The following CTU2 variants were observed in gnomAD, a reference collection of about 807,000 sequenced individuals.
The protein encoded by CTU2 is cytosolic thiouridylase subunit 2.
In CTU2, 80 loss-of-function variants were observed where a neutral mutation model predicts 64.1. The observed-to-expected ratio is 1.25, with a 90% CI of 1.04 to 1.50. CTU2 has a LOEUF of 1.50. CTU2 is among the 40% of genes most tolerant of loss of function. CTU2 has a pLI of 0.00. For missense variants in CTU2, 1,110 were observed against 690.2 expected (o/e 1.61, Z -6.81); for synonymous variants, 482 against 285.3 (o/e 1.69, Z -6.95).
intron 7 of CTU2, 56 bp downstream of exon 7, chr16:88,712,961 G>A: frequency 1.4e-6 from 1 of 692,442 alleles, no homozygotes; most frequent in Non-Finnish European, 2.1e-6. Context: ...ATGCCCCTGA[G>A]AGCCCCCTTC....
At chr16:88,711,762 G>A in intron 5 of CTU2, 67 bp downstream of exon 5, 1 of 1,439,254 alleles carries the variant, frequency 6.9e-7, no homozygotes, top group Non-Finnish European at 9.6e-7. Flanking sequence ...TCCTCCCTCT[G>A]GTGTGGACCC....
rs1911526523 is a variant in CTU2, at chr16:88,713,396, G to A, written c.822G>A (p.Lys274=). 1 of 1,603,446 alleles carries A rather than the reference G, an allele frequency of 6.2e-7. No homozygotes were observed. The highest frequency in any genetic ancestry group is 1.1e-5 in the South Asian group (1 of 89,698). ...ACAGCTGCACACGCTTGGCTATCAAGCTCATGACCAACCTGGCGCTGGGTC... is the reference window on the plus strand; with the variant it reads ...ACAGCTGCACACGCTTGGCTATCAAACTCATGACCAACCTGGCGCTGGGTC... ...TGDSCTRLAI[K]LMTNLALGRG... Residue 274 remains lysine (K), a synonymous_variant, in exon 8 of 15, where the codon AAG becomes AAA. Coordinates refer to ENST00000453996, the MANE Select transcript of CTU2 (RefSeq NM_001012759.3).
In CTU2 at chr16:88,714,396, C is replaced by G; in HGVS notation, c.1111C>G (p.Leu371Val). The G allele has an allele frequency of 6.2e-7, 1 of 1,612,500 alleles. No individual in the cohort carries two copies. The highest frequency in any genetic ancestry group is 1.1e-5 in the South Asian group (1 of 91,084). Reference protein sequence around the residue: ...VSTVYRTSEKLVKGPRDGPAA... With the variant: ...VSTVYRTSEKVVKGPRDGPAA... ...ATCCGGCCACAGGACAAGTGAGAAGCTGGTGAAGGGCCCCCGGGATGGCCC... is the reference window on the plus strand; with the variant it reads ...ATCCGGCCACAGGACAAGTGAGAAGGTGGTGAAGGGCCCCCGGGATGGCCC... The change falls in exon 11 of 15, where the codon CTG becomes GTG. Residue 371 changes from leucine to valine, a missense_variant. Transcript: ENST00000453996.
intron 2 of CTU2, 135 bp downstream of exon 2, chr16:88,707,345 C>T: frequency 4.8e-6 from 4 of 841,152 alleles, no homozygotes; most frequent in Non-Finnish European, 7.8e-6. Flanking sequence ...TGGGGTCCCT[C>T]GTGCCCCTGG....
At position 88,714,656 on chromosome 16, in the gene CTU2, C is replaced by T. The variant is rs373776054; in HGVS notation, c.1271C>T (p.Thr424Ile). ...CAGATGCAGTCACCCATCCCCCTGA[C>T]TGAGACCCGGACACCCCCGGGGCCC... is the stretch of plus-strand genomic sequence containing the variant. ...LSQMQSPIPLTETRTPPGPCC... is the reference protein window; with the variant it reads ...LSQMQSPIPLIETRTPPGPCC... Residue 424 changes from threonine to isoleucine, a missense_variant, in exon 12 of 15, where the codon ACT becomes ATT. Coordinates refer to ENST00000453996, the MANE Select transcript of CTU2 (RefSeq NM_001012759.3). 5.0e-4 allele frequency: 810 copies of T among 1,612,506 alleles called. No individual in the cohort carries two copies. Among genetic ancestry groups the T allele is most frequent in the Non-Finnish European group, 6.4e-4 (753 of 1,179,880 alleles).
At chr16:88,713,544 C>CCT (rs4040060) in intron 8 of CTU2, 97 bp downstream of exon 8, 1,378,115 of 1,545,040 alleles carry the variant, frequency 0.89, 615,294 homozygotes, top group Middle Eastern at 0.93. Flanking sequence ...AGTCCTGCGG[C>CCT]CTCGGATGGT....
chr16:88,712,524 G>A, intron 6 of CTU2, 98 bp from the exon 7 acceptor site: 1 of 1,517,218 alleles, frequency 6.6e-7, no homozygotes, highest in Non-Finnish European at 8.9e-7. Context: ...CCGTGCCCCA[G>A]CCTCACTGCC....
intron 3 of CTU2, 42 bp downstream of exon 3, chr16:88,710,058 C>T (rs536176195): frequency 1.2e-6 from 2 of 1,603,958 alleles, no homozygotes; most frequent in South Asian, 1.1e-5. Context: ...CAGCCTGGCC[C>T]CTCGAGGTCC....
chr16:88,712,353 G>C lies in CTU2; in HGVS notation c.423G>C (p.Gly141=), dbSNP rs1426789846. ...TGAAGCCCATTCTGCAAGCAACTGG[G>C]TTCCCATGGCATGTGGTGGCCTTAG... ...AEVKPILQAT[G]FPWHVVALEE... The change falls in exon 6 of 15, where the codon GGG becomes GGC. Residue 141 remains glycine (G), a synonymous_variant. Coordinates refer to ENST00000453996, the MANE Select transcript of CTU2 (RefSeq NM_001012759.3). The C allele has an allele frequency of 6.2e-7, 1 of 1,610,198 alleles. No homozygotes were observed.
At chr16:88,714,833 G>A in intron 12 of CTU2, 27 bp from the exon 13 acceptor site, 1 of 1,612,380 alleles carries the variant, frequency 6.2e-7, no homozygotes, top group Non-Finnish European at 8.5e-7. Flanking sequence ...TGCCAAGGTG[G>A]GCACACAGCC....
At chr16:88,713,813 T>C (rs1448584098) in intron 9 of CTU2, 35 bp downstream of exon 9, 2 of 1,611,000 alleles carry the variant, frequency 1.2e-6, no homozygotes, top group East Asian at 2.2e-5. Context: ...TCTCTCACCA[T>C]TGACACCGGG....
rs1437687234 is a variant in CTU2, at chr16:88,711,688, T to C, written c.336T>C (p.Phe112=). ...KRLRFVAGVI[F]VDEGAACGQS... is the part of the protein sequence containing the mutation. ...TGCGCTTTGTGGCAGGAGTCATCTT[T>C]GTTGACGGTATGTGGGGCCATTGCT... The change falls in exon 5 of 15, where the codon TTT becomes TTC. Residue 112 remains phenylalanine, a synonymous_variant. Coordinates refer to ENST00000453996, the MANE Select transcript of CTU2 (RefSeq NM_001012759.3). 3 of 1,608,866 alleles carry C rather than the reference T, an allele frequency of 1.9e-6. No individual in the cohort carries two copies. Among genetic ancestry groups the C allele is most frequent in the South Asian group, 1.1e-5 (1 of 90,204 alleles).
In CTU2 at chr16:88,715,325, C is replaced by G. The variant is rs74033360; in HGVS notation, c.*74C>G. Reference sequence around the variant, plus strand: ...CCACACTGGAGCCGGAAGGCAAGGACGGGGGACTGGCCTCTGATTGTCCAT... The same window carrying G: ...CCACACTGGAGCCGGAAGGCAAGGAGGGGGGACTGGCCTCTGATTGTCCAT... On this transcript the variant is annotated 3_prime_UTR_variant, in exon 15 of 15. Transcript: ENST00000453996. 2.0e-6 allele frequency: 3 copies of G among 1,469,786 alleles called. No individual in the cohort carries two copies. The highest frequency in any genetic ancestry group is 2.8e-6 in the Non-Finnish European group (3 of 1,075,814). 91.0% of individuals were successfully genotyped at this position (1,469,786 alleles called of 1,614,324 possible). A position where few individuals can be genotyped will look rare whatever the true frequency, so the allele number is the denominator to read the frequency against.
Position 88,712,776 on chromosome 16 carries a change from C to T in CTU2, c.608C>T (p.Pro203Leu), listed in dbSNP as rs370729493. ...GPGPTQGEEQ[P>L]PQPPLDPQNL... ...GGCCCGACTCAAGGGGAGGAACAGC[C>T]ACCCCAGCCCCCGCTGGACCCCCAG... The change falls in exon 7 of 15, where the codon CCA (proline) becomes CTA (leucine). Residue 203 changes from proline to leucine, a missense_variant. Transcript: ENST00000453996. 21 of 1,608,280 alleles carry T rather than the reference C, an allele frequency of 1.3e-5. No homozygotes were observed. Among genetic ancestry groups the T allele is most frequent in the African/African-American group, 4.0e-5 (3 of 74,890 alleles).
rs1567649235 is a variant in CTU2 at position 88,712,646 on chromosome 16, C to CT, written c.481dup (p.Trp161LeufsTer63). ...GGTGTTCAGCCTGCCACCGTCGGTGCTTTGGTGCTCTGCCCAGGAGCTGGT... is the reference window on the plus strand; with the variant it reads ...GGTGTTCAGCCTGCCACCGTCGGTGCTTTTGGTGCTCTGCCCAGGAGCTGGT... On this transcript the variant is annotated frameshift_variant, in exon 7 of 15. Transcript: ENST00000453996. LOFTEE classifies it high-confidence loss of function. 1.2e-6 allele frequency: 2 copies of CT among 1,610,472 alleles called. No individual in the cohort carries two copies. The highest frequency in any genetic ancestry group is 1.1e-5 in the South Asian group (1 of 90,948).
chr16:88,711,628 C>T lies in CTU2; in HGVS notation c.283-7C>T. 3.1e-6 allele frequency: 5 copies of T among 1,594,504 alleles called. No individual in the cohort carries two copies. The Admixed American group carries it at 5.1e-5, about 16-fold the overall frequency. On this transcript the variant is annotated splice_region_variant and splice_polypyrimidine_tract_variant and intron_variant, in intron 4 of 14. Transcript: ENST00000453996. The stretch of plus-strand genomic sequence containing the variant: ...GGGGGCTGAGTCCCTGCTGCTTCTC[C>T]CTCTAGGGCCTGAGCCAAGATTCTG...
chr16:88,709,878 C>G (rs1911174881), intron 2 of CTU2, 60 bp from the exon 3 acceptor site: 3 of 1,431,258 alleles, frequency 2.1e-6, no homozygotes, highest in Admixed American at 1.7e-5. Context: ...GGCAGCGCCT[C>G]AGGACGCTGC....
At position 88,714,718 on chromosome 16, in the gene CTU2, G is replaced by T. The variant is rs753781703; in HGVS notation, c.1333G>T (p.Gly445Cys). 1 of 1,607,886 alleles carries T rather than the reference G, an allele frequency of 6.2e-7. No individual in the cohort carries two copies. The highest frequency in any genetic ancestry group is 1.3e-5 in the African/African-American group (1 of 74,918). Reference protein sequence around the residue: ...SPGVGWAQRCGQGACRREDPQ... With the variant: ...SPGVGWAQRCCQGACRREDPQ... ...AGGGGTGGGCTGGGCCCAGCGCTGT[G>T]GCCAGGGGGCCTGCAGGAGGTGAGT... Residue 445 changes from glycine (G) to cysteine (C), a missense_variant, in exon 12 of 15, where the codon GGC becomes TGC. Coordinates refer to ENST00000453996, the MANE Select transcript of CTU2 (RefSeq NM_001012759.3).
intron 1 of CTU2, chr16:88,706,805 C>T (rs1226389402): frequency 3.8e-6 from 2 of 523,370 alleles, no homozygotes; most frequent in Non-Finnish European, 6.7e-6. Flanking sequence ...TCCTAGCAGC[C>T]ACTGGGGACG....
Sources: allele counts gnomAD v4.1 joint callset, GRCh38; gene constraint gnomAD v4.1.1; transcripts MANE v1.5; gene names NCBI Gene and HGNC (gene_info 2026-07-23, HGNC 2026-07-21).